NRXN3: variants seen among roughly 807,000 people sequenced by gnomAD.
The protein encoded by NRXN3 is neurexin 3.
Under a neutral mutation model 137.6 loss-of-function variants are expected in NRXN3, and 32 were observed. The observed-to-expected ratio is 0.23, with a 90% CI of 0.18 to 0.31. The LOEUF is 0.31. NRXN3 is among the 10% of genes least tolerant of loss of function. The probability of loss-of-function intolerance (pLI) is 1.00; values close to 1 mark genes in which losing one functional copy is unlikely to be tolerated. For missense variants in NRXN3, 1,574 were observed against 2,062.5 expected (o/e 0.76, Z 4.59); for synonymous variants, 798 against 784.5 (o/e 1.02, Z -0.29).
At chr14:78,374,390 G>A (rs2087427664) in intron 4 of NRXN3, among the ~76,000 whole-genome samples, 1 of 152,112 alleles carries the variant, frequency 6.6e-6, no homozygotes, top group Non-Finnish European at 1.5e-5. Context: ...TTATACCTGG[G>A]AGTTTATAGT....
chr14:79,023,276 C>A lies in NRXN3; in HGVS notation c.3262+35135C>A, dbSNP rs537686936. Among the ~76,000 whole-genome samples the A allele has an allele frequency of 4.6e-5, 7 of 151,968 alleles. No homozygotes were observed. The South Asian group carries it at 1.5e-3, about 32-fold the overall frequency. On this transcript the variant is annotated intron_variant, in intron 15 of 20. Transcript: ENST00000335750. ...ATATGAGTTTAGAACTTGCTGTATGCCCAGTAATATTCAGGGTACTGGGGA... is the reference window on the plus strand; with the variant it reads ...ATATGAGTTTAGAACTTGCTGTATGACCAGTAATATTCAGGGTACTGGGGA...
chr14:78,576,466 A>C (rs911585073), intron 4 of NRXN3, among the ~76,000 whole-genome samples: 1 of 152,310 alleles, frequency 6.6e-6, no homozygotes, highest in Non-Finnish European at 1.5e-5. Context: ...CCATAAGCTC[A>C]CTACCCAGAG....
At chr14:79,818,915 T>G (rs1462578182) in intron 20 of NRXN3, among the ~76,000 whole-genome samples, 2 of 152,216 alleles carry the variant, frequency 1.3e-5, no homozygotes, top group Non-Finnish European at 2.9e-5. Flanking sequence ...TATATCAGTC[T>G]CAACCCATCC....
At chr14:79,536,991 G>A (rs778107931) in intron 16 of NRXN3, among the ~76,000 whole-genome samples, 7 of 152,006 alleles carry the variant, frequency 4.6e-5, no homozygotes, top group Admixed American at 2.6e-4. Context: ...AGGATTGCTG[G>A]GTCTAATGGT....
chr14:79,124,516 C>A (rs1442981255), intron 15 of NRXN3, among the ~76,000 whole-genome samples: 1 of 152,194 alleles, frequency 6.6e-6, no homozygotes, highest in African/African-American at 2.4e-5. Flanking sequence ...GGAGAATTAA[C>A]TTCTACTCTC....
At chr14:79,199,328 C>T (rs971675185) in intron 15 of NRXN3, among the ~76,000 whole-genome samples, 8 of 152,008 alleles carry the variant, frequency 5.3e-5, no homozygotes, top group Non-Finnish European at 7.4e-5. Flanking sequence ...ATTAAATACC[C>T]TCTAGAGTGA....
chr14:79,419,957 C>T (rs1235737354), intron 15 of NRXN3, among the ~76,000 whole-genome samples: 2 of 152,106 alleles, frequency 1.3e-5, no homozygotes, highest in African/African-American at 4.8e-5. Context: ...GACATGACAA[C>T]TGTCATCAAT....
At chr14:79,295,917 C>T (rs2084022997) in intron 15 of NRXN3, among the ~76,000 whole-genome samples, 1 of 152,086 alleles carries the variant, frequency 6.6e-6, no homozygotes, top group South Asian at 2.1e-4. Flanking sequence ...CATTGAATAA[C>T]AAAAATTATT....
chr14:79,168,604 A>G (rs929958931), intron 15 of NRXN3, among the ~76,000 whole-genome samples: 1 of 151,832 alleles, frequency 6.6e-6, no homozygotes, highest in Non-Finnish European at 1.5e-5. Context: ...CACAAGGCCA[A>G]TGTTATCTCC....
chr14:78,238,816 T>A (rs936110658), intron 1 of NRXN3, among the ~76,000 whole-genome samples: 2 of 152,142 alleles, frequency 1.3e-5, no homozygotes, highest in East Asian at 3.9e-4. Context: ...TGGTCTGGGC[T>A]GGAGGGGAAG....
chr14:79,013,907 T>A (rs2099575075), intron 15 of NRXN3, among the ~76,000 whole-genome samples: 2 of 152,116 alleles, frequency 1.3e-5, no homozygotes, highest in African/African-American at 4.8e-5. Flanking sequence ...AGAGATAAAA[T>A]GGGAAACAAA....
chr14:78,505,690 T>TA (rs1221436916), intron 4 of NRXN3, among the ~76,000 whole-genome samples: 1 of 152,010 alleles, frequency 6.6e-6, no homozygotes, highest in East Asian at 1.9e-4. Flanking sequence ...TAACAAAAAA[T>TA]AAAAAAGCAG....
chr14:78,501,184 G>A lies in NRXN3; in HGVS notation c.758-143936G>A, dbSNP rs1376077356. Among the ~76,000 whole-genome samples, 4 of 152,152 alleles carry A rather than the reference G, an allele frequency of 2.6e-5. No homozygotes were observed. The East Asian group carries it at 7.7e-4, about 29-fold the overall frequency. ...ACATTTATTATTTCACAGTTTCCAT[G>A]GAGGAGGAACTCAGGCATACCCTTG... On this transcript the variant is annotated intron_variant, in intron 4 of 20. Transcript: ENST00000335750.
intron 6 of NRXN3, among the ~76,000 whole-genome samples, chr14:78,685,027 G>A (rs1181171809): frequency 6.6e-6 from 1 of 152,130 alleles, no homozygotes; most frequent in Non-Finnish European, 1.5e-5. Context: ...TCTAAATCTG[G>A]TTAGGGAAAT....
intron 19 of NRXN3, among the ~76,000 whole-genome samples, chr14:79,731,513 A>G (rs1410499166): frequency 6.6e-6 from 1 of 152,234 alleles, no homozygotes; most frequent in Non-Finnish European, 1.5e-5. Context: ...CTTTAAAACT[A>G]TCATAAATGG....
In NRXN3 at chr14:79,107,788, G is replaced by A. The variant is rs115494723; in HGVS notation, c.3262+119647G>A. On this transcript the variant is annotated intron_variant, in intron 15 of 20. Transcript: ENST00000335750. ...TGAGTAGATGATGGTAGTGTTTGCCGAGATGGAGAAGACTGGGGTAGAAAC... is the reference window on the plus strand; with the variant it reads ...TGAGTAGATGATGGTAGTGTTTGCCAAGATGGAGAAGACTGGGGTAGAAAC... Among the ~76,000 whole-genome samples the A allele has an allele frequency of 4.7e-3, 711 of 152,182 alleles. 2 individuals carry two copies. Among genetic ancestry groups the A allele is most frequent in the African/African-American group, 0.016 (648 of 41,528 alleles).
intron 8 of NRXN3, 44 bp downstream of exon 8, chr14:78,715,183 T>C: frequency 6.3e-7 from 1 of 1,579,018 alleles, no homozygotes; most frequent in Admixed American, 1.7e-5. Context: ...TGAGTGGGGC[T>C]GATGTGTTAC....
At chr14:78,309,380 A>G (rs8018122) in intron 4 of NRXN3, among the ~76,000 whole-genome samples, 102,380 of 151,346 alleles carry the variant, frequency 0.68, 36,041 homozygotes, top group African/African-American at 0.89. Context: ...GTTTGGTATA[A>G]ATTATTTTGT....
chr14:78,305,622 G>A (rs897475909), intron 4 of NRXN3, among the ~76,000 whole-genome samples: 3 of 152,164 alleles, frequency 2.0e-5, no homozygotes, highest in Non-Finnish European at 4.4e-5. Flanking sequence ...GTCCCTGCTA[G>A]GACTTGAGAG....
Sources: allele counts gnomAD v4.1 joint callset (sites outside exome capture counted in the v4.1 genomes callset), GRCh38; gene constraint gnomAD v4.1.1; transcripts MANE v1.5; gene names NCBI Gene and HGNC (gene_info 2026-07-23, HGNC 2026-07-21).